The following PREX1 variants were observed in gnomAD, a reference collection of about 807,000 sequenced individuals.
The protein encoded by PREX1 is phosphatidylinositol 3,4,5-trisphosphate-dependent Rac exchanger 1 protein.
In PREX1, 41 loss-of-function variants were observed where a neutral mutation model predicts 198.3. That is an observed-to-expected ratio of 0.21 (90% CI 0.16 to 0.27). The LOEUF (loss-of-function observed/expected upper bound fraction) is 0.27, where lower values mean the gene tolerates loss of function less well. PREX1 is among the 10% of genes least tolerant of loss of function. The probability of loss-of-function intolerance (pLI) is 1.00; values close to 1 mark genes in which losing one functional copy is unlikely to be tolerated. For synonymous variants in PREX1, 843 were observed against 887.2 expected (o/e 0.95, Z 0.89); for missense variants, 1,620 against 2,200.7 (o/e 0.74, Z 5.28).
At chr20:48,772,320 GC>G (rs1471840507) in intron 1 of PREX1, among the ~76,000 whole-genome samples, 1 of 152,360 alleles carries the variant, frequency 6.6e-6, no homozygotes, top group African/African-American at 2.4e-5. Flanking sequence ...CACAGGTATG[GC>G]CCTGCAGGGT....
At chr20:48,812,300 AATAAT>A (rs2090439719) in intron 1 of PREX1, among the ~76,000 whole-genome samples, 1 of 151,906 alleles carries the variant, frequency 6.6e-6, no homozygotes, top group African/African-American at 2.4e-5. Flanking sequence ...GGAATGGGTA[AATAAT>A]ATAAGAGGAA....
chr20:48,885,566 G>A, the PREX1 span, among the ~76,000 whole-genome samples: 2 of 152,120 alleles, frequency 1.3e-5, no homozygotes, highest in South Asian at 4.2e-4. Flanking sequence ...TTACCCAAAG[G>A]AATTGAAAAC....
chr20:48,846,833 C>G, the PREX1 span, among the ~76,000 whole-genome samples: 5 of 152,144 alleles, frequency 3.3e-5, no homozygotes, highest in East Asian at 1.9e-4. Context: ...TGGACACTCC[C>G]GTCTACAGCC....
At chr20:48,815,720 G>C (rs1404216473) in intron 1 of PREX1, among the ~76,000 whole-genome samples, 1 of 152,156 alleles carries the variant, frequency 6.6e-6, no homozygotes, top group African/African-American at 2.4e-5. Flanking sequence ...AGATGCTGGG[G>C]CGGCCGGGCA....
chr20:48,839,628 T>C, the PREX1 span, among the ~76,000 whole-genome samples: 1 of 152,214 alleles, frequency 6.6e-6, no homozygotes, highest in Admixed American at 6.5e-5. Context: ...GGTCCATGCT[T>C]GTGCTACCTG....
chr20:48,804,548 G>A (rs765001063), intron 1 of PREX1, among the ~76,000 whole-genome samples: 4 of 152,252 alleles, frequency 2.6e-5, no homozygotes, highest in Non-Finnish European at 5.9e-5. Flanking sequence ...GAAGACCACA[G>A]ACTACAGGGC....
intron 3 of PREX1, among the ~76,000 whole-genome samples, chr20:48,742,162 G>A (rs886423886): frequency 1.3e-5 from 2 of 152,194 alleles, no homozygotes; most frequent in Non-Finnish European, 2.9e-5. Context: ...CTGCTGAGGT[G>A]CAGGGGGGCT....
chr20:48,831,568 A>G (rs925479653), upstream of PREX1, among the ~76,000 whole-genome samples: 1 of 152,200 alleles, frequency 6.6e-6, no homozygotes, highest in African/African-American at 2.4e-5. Context: ...CCTCTCATGC[A>G]TTCAACTATT....
chr20:48,735,041 A>G (rs535681475), intron 3 of PREX1, among the ~76,000 whole-genome samples: 5 of 152,150 alleles, frequency 3.3e-5, no homozygotes, highest in Non-Finnish European at 7.4e-5. Context: ...CAGAGTTGTT[A>G]TAGCTGGGGG....
At chr20:48,757,282 C>G (rs2090159646) in intron 1 of PREX1, among the ~76,000 whole-genome samples, 1 of 152,208 alleles carries the variant, frequency 6.6e-6, no homozygotes, top group Admixed American at 6.5e-5. Context: ...CTTACAGTTC[C>G]TGTGTCCCCT....
chr20:48,852,830 C>T, the PREX1 span, among the ~76,000 whole-genome samples: 3 of 152,156 alleles, frequency 2.0e-5, no homozygotes, highest in African/African-American at 7.2e-5. Context: ...CATTATACAG[C>T]CTTGAAAAGT....
chr20:48,758,831 C>G (rs1310749413), intron 1 of PREX1, among the ~76,000 whole-genome samples: 1 of 151,526 alleles, frequency 6.6e-6, no homozygotes, highest in African/African-American at 2.4e-5. Context: ...CCTATCCCTG[C>G]TCTGTTTTCC....
At chr20:48,637,846 A>T in intron 30 of PREX1, 94 bp from the exon 31 acceptor site, 1 of 1,143,280 alleles carries the variant, frequency 8.7e-7, no homozygotes, top group Non-Finnish European at 1.3e-6. Context: ...GCACCTCCCA[A>T]GGTGCTCTGA....
At chr20:48,728,619 C>G (rs1452866272) in intron 4 of PREX1, among the ~76,000 whole-genome samples, 2 of 152,218 alleles carry the variant, frequency 1.3e-5, no homozygotes, top group Admixed American at 6.5e-5. Context: ...GGAGCCAGCA[C>G]TTGCCACAGG....
chr20:48,744,982 T>C (rs3746816), intron 3 of PREX1, 43 bp downstream of exon 3: 699,786 of 1,601,712 alleles, frequency 0.44, 154,632 homozygotes, highest in Admixed American at 0.48. Flanking sequence ...AAGCCCACTT[T>C]TCAAAAACTA....
At chr20:48,825,172 G>A (rs2090503264) in intron 1 of PREX1, among the ~76,000 whole-genome samples, 2 of 152,146 alleles carry the variant, frequency 1.3e-5, no homozygotes, top group South Asian at 4.1e-4. Context: ...GATGTTTAGG[G>A]GCCATTCCTG....
chr20:48,819,713 T>C (rs754967528), intron 1 of PREX1, among the ~76,000 whole-genome samples: 2 of 152,222 alleles, frequency 1.3e-5, no homozygotes, highest in East Asian at 3.8e-4. Flanking sequence ...ACAACTCTGG[T>C]CCTTTTCTCA....
chr20:48,804,514 T>A (rs2090402212), intron 1 of PREX1, among the ~76,000 whole-genome samples: 1 of 152,196 alleles, frequency 6.6e-6, no homozygotes, highest in Admixed American at 6.5e-5. Context: ...AGGAGTGTGC[T>A]GGGCACTTTT....
At chr20:48,628,918 G>A (rs1289829675) in intron 37 of PREX1, among the ~76,000 whole-genome samples, 1 of 152,194 alleles carries the variant, frequency 6.6e-6, no homozygotes, top group Admixed American at 6.5e-5. Flanking sequence ...AGGGAGCCAA[G>A]GAGGAAATAA....
Sources: allele counts gnomAD v4.1 joint callset (sites outside exome capture counted in the v4.1 genomes callset), GRCh38; gene constraint gnomAD v4.1.1; transcripts MANE v1.5; gene names NCBI Gene and HGNC (gene_info 2026-07-23, HGNC 2026-07-21).